ITIH2: variants seen among roughly 807,000 people sequenced by gnomAD.
ITIH2 encodes the protein inter-alpha-trypsin inhibitor heavy chain H2.
Under a neutral mutation model 104.4 loss-of-function variants are expected in ITIH2, and 103 were observed. That is an observed-to-expected ratio of 0.99 (90% CI 0.84 to 1.16). The LOEUF is 1.16. ITIH2 is among the 50% of genes most tolerant of loss of function. ITIH2 has a pLI of 0.00. For missense variants in ITIH2, 1,108 were observed against 1,162.4 expected, an observed-to-expected ratio of 0.95 and a Z score of 0.68; for synonymous variants, 436 against 435.4, an observed-to-expected ratio of 1.00 and a Z score of -0.02.
chr10:7,731,370 C>T (rs547081584), intron 12 of ITIH2, among the ~76,000 whole-genome samples: 1 of 152,150 alleles, frequency 6.6e-6, no homozygotes. Flanking sequence ...GAGCATTTTC[C>T]CTTGTCCCAA....
intron 17 of ITIH2, 103 bp from the exon 18 acceptor site, chr10:7,743,979 A>G: frequency 1.4e-6 from 1 of 723,242 alleles, no homozygotes; most frequent in Non-Finnish European, 2.2e-6. Flanking sequence ...AAATTATAAT[A>G]ATTTTCCAAT....
intron 19 of ITIH2, among the ~76,000 whole-genome samples, chr10:7,745,220 T>C (rs186722104): frequency 1.5e-3 from 227 of 152,294 alleles, no homozygotes; most frequent in Middle Eastern, 6.8e-3. Flanking sequence ...TTAAGTTTTA[T>C]GTTAAAGATT....
chr10:7,736,169 G>A (rs898422095), intron 15 of ITIH2, among the ~76,000 whole-genome samples: 3 of 151,778 alleles, frequency 2.0e-5, no homozygotes, highest in South Asian at 2.1e-4. Flanking sequence ...AACATGAGAC[G>A]AGCCTGGTCA....
At chr10:7,734,129 T>C (rs1240310864) in intron 14 of ITIH2, among the ~76,000 whole-genome samples, 5 of 152,138 alleles carry the variant, frequency 3.3e-5, no homozygotes, top group Non-Finnish European at 7.3e-5. Context: ...GATACTCCAA[T>C]GGTGGACACC....
chr10:7,719,863 A>G (rs2130946303), intron 6 of ITIH2, among the ~76,000 whole-genome samples: 1 of 148,066 alleles, frequency 6.8e-6, no homozygotes, highest in East Asian at 2.0e-4. Flanking sequence ...CTTATAAGAG[A>G]GAGCTGAATA....
intron 17 of ITIH2, among the ~76,000 whole-genome samples, chr10:7,743,530 T>A (rs530223013): frequency 6.6e-6 from 1 of 152,168 alleles, no homozygotes; most frequent in African/African-American, 2.4e-5. Context: ...TCCCAGCACT[T>A]TGGGAGGCCG....
intron 3 of ITIH2, 73 bp from the exon 4 acceptor site, chr10:7,708,949 C>A: frequency 1.6e-6 from 2 of 1,274,484 alleles, no homozygotes; most frequent in Non-Finnish European, 2.3e-6. Flanking sequence ...TTGTTAACAT[C>A]AAATGCACTA....
In ITIH2 at chr10:7,749,447, TA is replaced by T. The variant is rs1835216635; in HGVS notation, c.*117del. 5.7e-6 allele frequency: 5 copies of T among 877,384 alleles called. No individual in the cohort carries two copies. The highest frequency in any genetic ancestry group is 3.6e-4 in the Middle Eastern group (1 of 2,766). The allele number at this position is 877,384 out of a possible 1,614,324, so 54.3% of individuals were successfully genotyped here. ...TGAACCAGATATCAGGGTGGTTAAT[TA>T]AAATGAACCAGATATCAGGGTGGTT... is the stretch of plus-strand genomic sequence containing the variant. On this transcript the variant is annotated 3_prime_UTR_variant, in exon 21 of 21. Coordinates refer to ENST00000358415, the MANE Select transcript of ITIH2 (RefSeq NM_002216.3).
At position 7,727,735 on chromosome 10, in the gene ITIH2, A is replaced by C; in HGVS notation, c.1186A>C (p.Ile396Leu). ...TNINEALLRAIFILNEANNLG... is the reference protein window; with the variant it reads ...TNINEALLRALFILNEANNLG... ...CATCAACGAAGCACTCCTACGGGCAATCTTCATTTTGAATGAAGCCAATAA... is the reference window on the plus strand; with the variant it reads ...CATCAACGAAGCACTCCTACGGGCACTCTTCATTTTGAATGAAGCCAATAA... Residue 396 changes from isoleucine to leucine, a missense_variant, in exon 11 of 21, where the codon ATC (isoleucine) becomes CTC (leucine). Transcript: ENST00000358415. 1 of 1,614,136 alleles carries C rather than the reference A, an allele frequency of 6.2e-7. No homozygotes were observed. The highest frequency in any genetic ancestry group is 8.5e-7 in the Non-Finnish European group (1 of 1,179,952).
Position 7,745,797 on chromosome 10 carries a change from C to T in ITIH2, c.2582-796C>T, listed in dbSNP as rs568154694. 2.2e-4 allele frequency among the ~76,000 whole-genome samples: 33 copies of T among 151,124 alleles called. No homozygotes were observed. In the East Asian group the frequency reaches 6.4e-3, roughly 29 times the overall value. ...GAGATGGAGTTTCTCTCTTGTTGCC[C>T]AGGCTGGAGCGCAGTGGCGCAATCT... On this transcript the variant is annotated intron_variant, in intron 19 of 20. Transcript: ENST00000358415.
At chr10:7,737,679 T>TAG (rs1835075014) in intron 15 of ITIH2, among the ~76,000 whole-genome samples, 1 of 23,122 alleles carries the variant, frequency 4.3e-5, no homozygotes, top group African/African-American at 1.8e-4. Context: ...ATTCTATATT[T>TAG]TCTATATTAT....
chr10:7,729,799 T>C lies in ITIH2; in HGVS notation c.1280-153T>C, dbSNP rs967999933. On this transcript the variant is annotated intron_variant, in intron 11 of 20. Transcript: ENST00000358415. ...CTTCATTTCAACATGTACGAGTGCA[T>C]CTCTAAGAAAAACTAGAAATTGAGT... 15 of 531,082 alleles carry C rather than the reference T, an allele frequency of 2.8e-5. No homozygotes were observed. The African/African-American group carries it at 2.9e-4, about 10-fold the overall frequency. 32.9% of individuals were successfully genotyped at this position (531,082 alleles called of 1,614,324 possible).
intron 20 of ITIH2, among the ~76,000 whole-genome samples, chr10:7,748,874 G>A (rs1458084574): frequency 6.6e-6 from 1 of 151,906 alleles, no homozygotes; most frequent in Non-Finnish European, 1.5e-5. Flanking sequence ...TGACCTGTGA[G>A]GTCAGCCTCA....
chr10:7,720,957 A>G lies in ITIH2; in HGVS notation c.732A>G (p.Gln244=), dbSNP rs766669232. The G allele has an allele frequency of 8.7e-6, 14 of 1,600,738 alleles. No individual in the cohort carries two copies. The Admixed American group carries it at 2.3e-4, about 27-fold the overall frequency. Residue 244 remains glutamine (Q), a synonymous_variant, in exon 7 of 21, where the codon CAA becomes CAG. Transcript: ENST00000358415. ...GTGTTCCGGTCATTTCTAAAGGACA[A>G]CAGAAGGTACCCTGAGCCCTGTGTG... The part of the protein sequence containing the change: ...FDGVPVISKG[Q]QKAHVSFKPT...
At chr10:7,742,471 C>T (rs144891640) in intron 16 of ITIH2, among the ~76,000 whole-genome samples, 1 of 152,142 alleles carries the variant, frequency 6.6e-6, no homozygotes, top group African/African-American at 2.4e-5. Flanking sequence ...CTGGGTGAGG[C>T]GGCTCACACC....
At chr10:7,729,887 G>T (rs1834985082) in intron 11 of ITIH2, 65 bp from the exon 12 acceptor site, 1 of 1,254,646 alleles carries the variant, frequency 8.0e-7, no homozygotes. Context: ...GCCCTCCCTG[G>T]ATTTTCCAGA....
intron 15 of ITIH2, among the ~76,000 whole-genome samples, chr10:7,738,223 T>A (rs56026298): frequency 0.18 from 6,269 of 33,986 alleles, 436 homozygotes; most frequent in African/African-American, 0.28. Flanking sequence ...ATATTCTATA[T>A]AATATTATAT....
chr10:7,714,224 T>A (rs113497810), intron 5 of ITIH2, among the ~76,000 whole-genome samples: 4 of 142,676 alleles, frequency 2.8e-5, no homozygotes, highest in Non-Finnish European at 6.0e-5. Context: ...CAGGCTGGAG[T>A]GCAGTGGTGC....
Position 7,721,631 on chromosome 10 carries a change from T to C in ITIH2, c.739-18T>C. On this transcript the variant is annotated intron_variant, in intron 7 of 20. Transcript: ENST00000358415. Reference sequence around the variant, plus strand: ...AAGGGGCTAGAGGCAGAGGCTCTGATGTCACCGTTCTTTCTAGGCGCACGT... The same window carrying C: ...AAGGGGCTAGAGGCAGAGGCTCTGACGTCACCGTTCTTTCTAGGCGCACGT... 8 of 1,611,230 alleles carry C rather than the reference T, an allele frequency of 5.0e-6. No individual in the cohort carries two copies. Among genetic ancestry groups the C allele is most frequent in the Non-Finnish European group, 5.9e-6 (7 of 1,178,158 alleles).
Sources: allele counts gnomAD v4.1 joint callset (sites outside exome capture counted in the v4.1 genomes callset), GRCh38; gene constraint gnomAD v4.1.1; transcripts MANE v1.5; gene names NCBI Gene and HGNC (gene_info 2026-07-23, HGNC 2026-07-21).